The following NDUFAF7 variants were observed in gnomAD, a reference collection of about 807,000 sequenced individuals.
NDUFAF7 encodes NADH:ubiquinone oxidoreductase complex assembly factor 7, also known as protein arginine methyltransferase NDUFAF7, mitochondrial.
In NDUFAF7, 48 loss-of-function variants were observed where a neutral mutation model predicts 47.2. The ratio of observed to expected loss-of-function variants is 1.02; its 90% CI spans 0.81 to 1.29. NDUFAF7 has a LOEUF of 1.29. Among genes scored for constraint, NDUFAF7 ranks in the 50% most tolerant of loss-of-function variants. The probability of loss-of-function intolerance (pLI) is 0.00; values close to 1 mark genes in which losing one functional copy is unlikely to be tolerated. For missense variants in NDUFAF7, 635 were observed against 537.6 expected, an observed-to-expected ratio of 1.18 and a Z score of -1.79; for synonymous variants, 217 against 190.0, an observed-to-expected ratio of 1.14 and a Z score of -1.17.
downstream of NDUFAF7, among the ~76,000 whole-genome samples, chr2:37,258,240 GTGGACTC>G (rs1668132819): frequency 6.6e-6 from 1 of 152,202 alleles, no homozygotes; most frequent in African/African-American, 2.4e-5. Context: ...TTCTGGGATG[GTGGACTC>G]TGACACATAT....
the NDUFAF7 span, chr2:37,259,537 G>T: frequency 1.4e-6 from 2 of 1,455,554 alleles, no homozygotes; most frequent in South Asian, 1.2e-5. Flanking sequence ...TGGGTGCTTT[G>T]AAAATGTTGC....
rs1312999042 is a variant in NDUFAF7 at position 37,237,775 on chromosome 2, A to G, written c.316A>G (p.Ile106Val). 6.2e-7 allele frequency: 1 copy of G among 1,611,492 alleles called. No homozygotes were observed. Among genetic ancestry groups the G allele is most frequent in the East Asian group, 2.2e-5 (1 of 44,850 alleles). ...IFGELLGIWF[I>V]SEWMATGKST... ...TTCACAGCTACTAGGTATATGGTTC[A>G]TTAGTGAATGGATGGCCACTGGAAA... is the stretch of plus-strand genomic sequence containing the variant. Residue 106 changes from isoleucine (I) to valine (V), a missense_variant, in exon 4 of 10, where the codon ATT (isoleucine) becomes GTT (valine). Coordinates refer to ENST00000002125, the MANE Select transcript of NDUFAF7 (RefSeq NM_144736.5).
chr2:37,262,212 C>T, the NDUFAF7 span, among the ~76,000 whole-genome samples: 1 of 152,080 alleles, frequency 6.6e-6, no homozygotes, highest in South Asian at 2.1e-4. Flanking sequence ...ATGTTTTTGG[C>T]CTATGTGAGG....
the NDUFAF7 span, chr2:37,267,358 AAAAAG>A: frequency 2.7e-6 from 3 of 1,120,468 alleles, no homozygotes; most frequent in Non-Finnish European, 3.8e-6. Context: ...AAAAAAAAAA[AAAAAG>A]AGAAGCAGTT....
downstream of NDUFAF7, among the ~76,000 whole-genome samples, chr2:37,250,187 G>A (rs1435868171): frequency 6.6e-6 from 1 of 151,968 alleles, no homozygotes; most frequent in Non-Finnish European, 1.5e-5. Context: ...TTCAGATGCT[G>A]CCCAGCCTCG....
rs1265655435 is a variant in NDUFAF7, at chr2:37,248,417, T to C, written c.*67T>C. The C allele has an allele frequency of 6.3e-6, 9 of 1,419,048 alleles. No homozygotes were observed. The highest frequency in any genetic ancestry group is 9.0e-6 in the Non-Finnish European group (9 of 1,003,494). The allele number at this position is 1,419,048 out of a possible 1,614,324, so 87.9% of individuals were successfully genotyped here. ...ATCAAAATAAAGGAAACACATTTCA[T>C]ATACTGCAGGTAACAAAAGTCAAAG... On this transcript the variant is annotated 3_prime_UTR_variant, in exon 10 of 10. Coordinates refer to ENST00000002125, the MANE Select transcript of NDUFAF7 (RefSeq NM_144736.5).
chr2:37,258,542 G>A, the NDUFAF7 span, among the ~76,000 whole-genome samples: 1 of 152,160 alleles, frequency 6.6e-6, no homozygotes, highest in Non-Finnish European at 1.5e-5. Context: ...CACTAAAATA[G>A]AGGTCAGAAA....
chr2:37,253,208 G>A (rs201573573), downstream of NDUFAF7: 2 of 1,610,712 alleles, frequency 1.2e-6, no homozygotes, highest in East Asian at 2.2e-5. Flanking sequence ...ATCTGGATTA[G>A]GAGCCATAAT....
downstream of NDUFAF7, among the ~76,000 whole-genome samples, chr2:37,254,037 C>T (rs1373016345): frequency 6.6e-6 from 1 of 152,146 alleles, no homozygotes; most frequent in Non-Finnish European, 1.5e-5. Flanking sequence ...CCTGTCATTA[C>T]CGATCTGAAT....
intron 2 of NDUFAF7, among the ~76,000 whole-genome samples, chr2:37,232,700 A>C (rs1399457951): frequency 6.6e-6 from 1 of 152,136 alleles, no homozygotes; most frequent in African/African-American, 2.4e-5. Flanking sequence ...CTGCCTGGAA[A>C]GTCGTCTGTG....
intron 4 of NDUFAF7, among the ~76,000 whole-genome samples, chr2:37,239,703 G>A (rs12622740): frequency 0.49 from 74,239 of 152,050 alleles, 18,884 homozygotes; most frequent in East Asian, 0.78. Context: ...ATATAACAGT[G>A]TTCAACATGA....
At chr2:37,260,499 C>G in the NDUFAF7 span, 449 of 923,890 alleles carry the variant, frequency 4.9e-4, no homozygotes, top group Middle Eastern at 1.3e-3. Flanking sequence ...GAGAAGTAAA[C>G]AAAGCAAACA....
At chr2:37,245,263 T>A (rs1356094185) in intron 7 of NDUFAF7, among the ~76,000 whole-genome samples, 1 of 152,224 alleles carries the variant, frequency 6.6e-6, no homozygotes, top group Non-Finnish European at 1.5e-5. Flanking sequence ...GGCAGGTCAT[T>A]ACTGCATTTC....
Position 37,248,730 on chromosome 2 carries a change from A to G in NDUFAF7, c.*380A>G, listed in dbSNP as rs1246952907. 1 of 285,842 alleles carries G rather than the reference A, an allele frequency of 3.5e-6. No individual in the cohort carries two copies. The highest frequency in any genetic ancestry group is 6.8e-6 in the Non-Finnish European group (1 of 146,808). 17.7% of individuals were successfully genotyped at this position (285,842 alleles called of 1,614,324 possible). A position where few individuals can be genotyped will look rare whatever the true frequency, so the allele number is the denominator to read the frequency against. ...AGCAGTTAAAGACCAGCCTGACCAAAATGGAGAAACCCCATCTCTACTAAA... is the reference window on the plus strand; with the variant it reads ...AGCAGTTAAAGACCAGCCTGACCAAGATGGAGAAACCCCATCTCTACTAAA... On this transcript the variant is annotated 3_prime_UTR_variant, in exon 10 of 10. Transcript: ENST00000002125.
At chr2:37,262,190 A>C in the NDUFAF7 span, among the ~76,000 whole-genome samples, 1 of 152,142 alleles carries the variant, frequency 6.6e-6, no homozygotes, top group East Asian at 1.9e-4. Context: ...TGATTATGCT[A>C]GGGGGACTCA....
the NDUFAF7 span, among the ~76,000 whole-genome samples, chr2:37,271,154 T>G: frequency 6.6e-6 from 1 of 152,190 alleles, no homozygotes; most frequent in Admixed American, 6.5e-5. Flanking sequence ...GTGCCCCAAG[T>G]AGAAAAATAG....
In NDUFAF7 at chr2:37,232,112, C is replaced by T. The variant is rs1482547817; in HGVS notation, c.62C>T (p.Pro21Leu). The T allele has an allele frequency of 1.9e-6, 3 of 1,614,094 alleles. No homozygotes were observed. In the African/African-American group the frequency reaches 4.0e-5, roughly 22 times the overall value. The change falls in exon 2 of 10, where the codon CCT becomes CTT. Residue 21 changes from proline (P) to leucine (L), a missense_variant. Coordinates refer to ENST00000002125, the MANE Select transcript of NDUFAF7 (RefSeq NM_144736.5). ...PLCAVARAAI[P>L]FIWRGKYFSS... The stretch of plus-strand genomic sequence containing the variant: ...TAATTTGTGTTTTTCGCAGCCATTC[C>T]TTTTATTTGGAGAGGGAAATACTTC...
chr2:37,242,943 G>T (rs1163018267), intron 6 of NDUFAF7, among the ~76,000 whole-genome samples: 2 of 152,042 alleles, frequency 1.3e-5, no homozygotes, highest in Non-Finnish European at 2.9e-5. Flanking sequence ...ATGAAAAATG[G>T]TAAGATGGTA....
rs376418095 is a variant in NDUFAF7 at position 37,243,870 on chromosome 2, C to T, written c.689C>T (p.Pro230Leu). The T allele has an allele frequency of 5.6e-6, 9 of 1,613,722 alleles. No homozygotes were observed. Among genetic ancestry groups the T allele is most frequent in the Non-Finnish European group, 7.6e-6 (9 of 1,179,874 alleles). The change falls in exon 7 of 10, where the codon CCA becomes CTA. Residue 230 changes from proline to leucine, a missense_variant. Coordinates refer to ENST00000002125, the MANE Select transcript of NDUFAF7 (RefSeq NM_144736.5). Reference protein sequence around the residue: ...VLPVHKFQKTPQGWREVFVDI... With the variant: ...VLPVHKFQKTLQGWREVFVDI... Reference sequence around the variant, plus strand: ...GTGTTATTTTGTGTTTAGAAAACACCACAGGGATGGCGAGAAGTATTTGTT... The same window carrying T: ...GTGTTATTTTGTGTTTAGAAAACACTACAGGGATGGCGAGAAGTATTTGTT...
Sources: allele counts gnomAD v4.1 joint callset (sites outside exome capture counted in the v4.1 genomes callset), GRCh38; gene constraint gnomAD v4.1.1; transcripts MANE v1.5; gene names NCBI Gene and HGNC (gene_info 2026-07-23, HGNC 2026-07-21).